CDH23: variants seen among roughly 807,000 people sequenced by gnomAD.
CDH23 encodes cadherin-23.
CDH23 carries 189 observed loss-of-function variants against 317.1 expected under a neutral mutation model. That is an observed-to-expected ratio of 0.60 (90% CI 0.53 to 0.67). The LOEUF (loss-of-function observed/expected upper bound fraction) is 0.67. Among genes scored for constraint, CDH23 ranks in the 30% least tolerant of loss-of-function variants. The pLI is 0.00. For synonymous variants in CDH23, 1,839 were observed against 1,876.8 expected, an observed-to-expected ratio of 0.98 and a Z score of 0.52; for missense variants, 4,401 against 4,592.4, an observed-to-expected ratio of 0.96 and a Z score of 1.20.
intron 3 of CDH23, among the ~76,000 whole-genome samples, chr10:71,496,148 A>C (rs1564615742): frequency 1.3e-5 from 2 of 152,238 alleles, no homozygotes; most frequent in Non-Finnish European, 2.9e-5. Flanking sequence ...TGGGTCCTGC[A>C]CTAGACCAAT....
chr10:71,704,885 C>A, intron 24 of CDH23, 26 bp from the exon 25 acceptor site: 3 of 1,580,172 alleles, frequency 1.9e-6, no homozygotes, highest in Non-Finnish European at 2.6e-6. Context: ...CCTCCCCACC[C>A]TCATGCTGCC....
At position 71,618,768 on chromosome 10, in the gene CDH23, C is replaced by T. The variant is rs1861322139; in HGVS notation, c.1134+1375C>T. On this transcript the variant is annotated intron_variant, in intron 11 of 69. Transcript: ENST00000224721. ...AGCTCCTCTCAACCAGACATGGTCC[C>T]CCCAAGGACTCAGGGCACGTGGGCA... 2.6e-5 allele frequency among the ~76,000 whole-genome samples: 4 copies of T among 152,204 alleles called. No homozygotes were observed. In the South Asian group the frequency reaches 8.3e-4, roughly 32 times the overall value.
intron 6 of CDH23, among the ~76,000 whole-genome samples, chr10:71,543,968 A>G (rs890767635): frequency 6.6e-6 from 1 of 152,242 alleles, no homozygotes; most frequent in Non-Finnish European, 1.5e-5. Context: ...AAAGATGGAA[A>G]AAAGCAAATT....
intron 3 of CDH23, among the ~76,000 whole-genome samples, chr10:71,500,808 T>G (rs1312952621): frequency 6.9e-6 from 1 of 145,728 alleles, no homozygotes; most frequent in South Asian, 2.2e-4. Context: ...TCTTTTCTTT[T>G]CTTTTCTTTT....
At chr10:71,523,576 G>A (rs945342675) in intron 6 of CDH23, among the ~76,000 whole-genome samples, 17 of 152,318 alleles carry the variant, frequency 1.1e-4, no homozygotes, top group African/African-American at 2.4e-5. Flanking sequence ...CGGGAGGCAC[G>A]GGTCGGAGCC....
intron 9 of CDH23, among the ~76,000 whole-genome samples, chr10:71,592,891 G>A (rs572149333): frequency 2.6e-5 from 4 of 152,270 alleles, no homozygotes; most frequent in South Asian, 2.1e-4. Flanking sequence ...TCTTCGCGCC[G>A]CTCTTGAAAT....
intron 28 of CDH23, among the ~76,000 whole-genome samples, chr10:71,720,853 C>T (rs1589371887): frequency 6.6e-6 from 1 of 152,132 alleles, no homozygotes. Flanking sequence ...CCAGGGGCAC[C>T]CAGCAAGTGA....
chr10:71,611,184 A>AG, intron 9 of CDH23, among the ~76,000 whole-genome samples: 1 of 152,210 alleles, frequency 6.6e-6, no homozygotes, highest in Non-Finnish European at 1.5e-5. Context: ...CCAAGCCCAC[A>AG]GCGCCTGTGG....
chr10:71,791,932 T>C (rs77764198), intron 47 of CDH23, among the ~76,000 whole-genome samples: 6,235 of 152,228 alleles, frequency 0.041, 415 homozygotes, highest in African/African-American at 0.14. Context: ...CTGACTATTT[T>C]AAAGTCAAAA....
intron 46 of CDH23, 53 bp downstream of exon 46, chr10:71,790,466 G>T: frequency 6.3e-7 from 1 of 1,595,712 alleles, no homozygotes; most frequent in Non-Finnish European, 8.5e-7. Context: ...GGTGGGGATG[G>T]CCACACTGCT....
At chr10:71,533,886 A>T (rs1855556541) in intron 6 of CDH23, among the ~76,000 whole-genome samples, 1 of 151,642 alleles carries the variant, frequency 6.6e-6, no homozygotes, top group South Asian at 2.1e-4. Flanking sequence ...TAGGAAAGAG[A>T]TCTCATCCCA....
intron 1 of CDH23, among the ~76,000 whole-genome samples, chr10:71,423,643 G>A (rs1259998365): frequency 6.6e-6 from 1 of 152,170 alleles, no homozygotes; most frequent in Non-Finnish European, 1.5e-5. Flanking sequence ...CTTTAGGGGA[G>A]ACTCAGCCTA....
intron 9 of CDH23, among the ~76,000 whole-genome samples, chr10:71,603,896 T>G (rs1486782674): frequency 6.6e-6 from 1 of 152,174 alleles, no homozygotes; most frequent in Non-Finnish European, 1.5e-5. Context: ...GTGGATCCAG[T>G]GAGGTCGTGC....
chr10:71,678,608 C>T (rs1864473470), intron 16 of CDH23, among the ~76,000 whole-genome samples: 1 of 152,218 alleles, frequency 6.6e-6, no homozygotes, highest in Non-Finnish European at 1.5e-5. Flanking sequence ...CCCAGCCTGG[C>T]CACGGCCCCC....
Position 71,810,577 on chromosome 10 carries a change from G to T in CDH23, c.9077+8G>T, listed in dbSNP as rs11818398. 3.1e-6 allele frequency: 5 copies of T among 1,613,030 alleles called. No homozygotes were observed. The highest frequency in any genetic ancestry group is 3.4e-6 in the Non-Finnish European group (4 of 1,179,162). On this transcript the variant is annotated splice_region_variant and intron_variant, in intron 62 of 69. Coordinates refer to ENST00000224721, the MANE Select transcript of CDH23 (RefSeq NM_022124.6). ...CATCCTGGACGTGGACCGGTGAGTC[G>T]GGGCCTGTGTTTGGACTGTCAGCCT...
In CDH23 at chr10:71,805,927, T is replaced by C. The variant is rs375019257; in HGVS notation, c.7994T>C (p.Ile2665Thr). The change falls in exon 56 of 70, where the codon ATC becomes ACC. Residue 2665 changes from isoleucine to threonine, a missense_variant. Ile to Thr is a moderately conservative substitution (Grantham distance 89, BLOSUM62 -1). This residue lies in a region of CDH23 where 1,144 missense variants were observed against 1,138.2 expected (regional missense o/e 1.01). Coordinates refer to ENST00000224721, the MANE Select transcript of CDH23 (RefSeq NM_022124.6). ...TAGNRDWEFF[I>T]IDPISGLIQT... The stretch of plus-strand genomic sequence containing the variant: ...GGCAACCGGGACTGGGAGTTCTTCA[T>C]CATCGACCCAATCAGCGGCCTCATC... 32 of 1,612,740 alleles carry C rather than the reference T, an allele frequency of 2.0e-5. No homozygotes were observed. The African/African-American group carries it at 3.9e-4, about 20-fold the overall frequency.
At chr10:71,427,987 A>C (rs1428540560) in intron 1 of CDH23, among the ~76,000 whole-genome samples, 1 of 151,982 alleles carries the variant, frequency 6.6e-6, no homozygotes, top group Non-Finnish European at 1.5e-5. Flanking sequence ...TGCTGGAATT[A>C]CAGGCGTGAC....
At chr10:71,675,890 G>A (rs1437328008) in intron 15 of CDH23, among the ~76,000 whole-genome samples, 2 of 147,372 alleles carry the variant, frequency 1.4e-5, no homozygotes, top group East Asian at 4.0e-4. Context: ...CCAAGCCAAA[G>A]GCAGCCCTCT....
Position 71,798,479 on chromosome 10 carries a change from G to C in CDH23, c.6955G>C (p.Ala2319Pro). Reference protein sequence around the residue: ...ATPGTTLIAVAAVDPDKGLNG... With the variant: ...ATPGTTLIAVPAVDPDKGLNG... ...CCCTGGGACCACACTCATTGCTGTG[G>C]CAGCCGTGGACCCTGACAAGGGCCT... is the stretch of plus-strand genomic sequence containing the variant. Residue 2319 changes from alanine (A) to proline (P), a missense_variant, in exon 50 of 70, where the codon GCA becomes CCA. Physicochemically the swap from Ala to Pro is conservative, Grantham distance 27. Transcript: ENST00000224721. 1 of 1,613,998 alleles carries C rather than the reference G, an allele frequency of 6.2e-7. No individual in the cohort carries two copies.
Sources: gnomAD v4.1 joint callset for allele counts (sites outside exome capture counted in the v4.1 genomes callset) on GRCh38, gnomAD v4.1.1 for gene constraint, gnomAD v4.1.1 regional missense constraint, MANE v1.5 for transcripts, NCBI Gene and HGNC (gene_info 2026-07-23, HGNC 2026-07-21) for gene names.